The following PRKCB variants were observed in gnomAD, a reference collection of about 807,000 sequenced individuals.
PRKCB encodes protein kinase C beta.
A neutral mutation model predicts 81.5 loss-of-function variants in PRKCB; 13 were observed. The ratio of observed to expected loss-of-function variants is 0.16; its 90% confidence interval spans 0.10 to 0.25. The LOEUF (loss-of-function observed/expected upper bound fraction) is 0.25. Ranked by LOEUF, PRKCB falls within the 10% of genes least tolerant of loss-of-function variation. The pLI is 1.00. For synonymous variants in PRKCB, 335 were observed against 321.4 expected (o/e 1.04, Z -0.45); for missense variants, 509 against 875.7 (o/e 0.58, Z 5.29).
intron 9 of PRKCB, chr16:24,151,568 G>C (rs901356439): frequency 1.1e-4 from 33 of 296,692 alleles, no homozygotes; most frequent in Non-Finnish European, 1.7e-4. Context: ...GGTAGTGGCC[G>C]ATTTGGTCTG....
intron 2 of PRKCB, among the ~76,000 whole-genome samples, chr16:23,891,676 T>C (rs572587414): frequency 1.3e-5 from 2 of 152,154 alleles, no homozygotes; most frequent in Admixed American, 6.5e-5. Flanking sequence ...AGTGTTCAAT[T>C]AGAGAAGCTG....
intron 5 of PRKCB, among the ~76,000 whole-genome samples, chr16:24,042,825 C>A (rs1441637520): frequency 2.6e-5 from 4 of 151,554 alleles, no homozygotes; most frequent in Admixed American, 6.6e-5. Context: ...GCAGCCTCGA[C>A]CTCCCAGGCT....
intron 2 of PRKCB, among the ~76,000 whole-genome samples, chr16:23,882,909 T>C (rs918920733): frequency 2.0e-5 from 3 of 152,126 alleles, no homozygotes; most frequent in African/African-American, 7.2e-5. Flanking sequence ...TCCAATTCTT[T>C]TGGATATAGA....
chr16:24,012,110 T>C (rs1965210820), intron 3 of PRKCB, among the ~76,000 whole-genome samples: 1 of 152,178 alleles, frequency 6.6e-6, no homozygotes. Flanking sequence ...GATCAATTCT[T>C]GGGGCATCTT....
intron 2 of PRKCB, among the ~76,000 whole-genome samples, chr16:23,926,984 G>A (rs2141752038): frequency 6.6e-6 from 1 of 152,254 alleles, no homozygotes; most frequent in East Asian, 1.9e-4. Flanking sequence ...ACTGCGTATG[G>A]TGGTGGTGGT....
At chr16:24,051,521 C>A (rs1965841792) in intron 5 of PRKCB, among the ~76,000 whole-genome samples, 1 of 152,086 alleles carries the variant, frequency 6.6e-6, no homozygotes, top group Non-Finnish European at 1.5e-5. Flanking sequence ...AATGGGCTAG[C>A]CCTGGGACAG....
chr16:24,203,431 T>C (rs965771836), intron 16 of PRKCB, among the ~76,000 whole-genome samples: 1 of 152,116 alleles, frequency 6.6e-6, no homozygotes, highest in South Asian at 2.1e-4. Flanking sequence ...ACTTTTTAAA[T>C]AAATTCACTC....
chr16:24,018,135 G>A (rs1379700154), intron 3 of PRKCB, among the ~76,000 whole-genome samples: 7 of 151,954 alleles, frequency 4.6e-5, no homozygotes, highest in East Asian at 3.9e-4. Context: ...TCCTGACCTC[G>A]TGATCCGCCC....
chr16:24,219,353 T>C lies in PRKCB; in HGVS notation c.*4537T>C. ...TGTTGACACATGCTAAAAATGTCTTTGGAGAGAACTTCTGCCTGATAAACA... is the reference window on the plus strand; with the variant it reads ...TGTTGACACATGCTAAAAATGTCTTCGGAGAGAACTTCTGCCTGATAAACA... On this transcript the variant is annotated 3_prime_UTR_variant, in exon 17 of 17. Transcript: ENST00000643927. The C allele has an allele frequency of 1.0e-6, 1 of 985,310 alleles. No homozygotes were observed. The highest frequency in any genetic ancestry group is 1.2e-6 in the Non-Finnish European group (1 of 830,016). The allele number at this position is 985,310 out of a possible 1,614,324, so 61.0% of individuals were successfully genotyped here.
At chr16:23,860,327 G>A (rs1366702315) in intron 2 of PRKCB, among the ~76,000 whole-genome samples, 1 of 152,122 alleles carries the variant, frequency 6.6e-6, no homozygotes, top group African/African-American at 2.4e-5. Context: ...TAGCAGCAGA[G>A]AATACAAGAA....
intron 8 of PRKCB, among the ~76,000 whole-genome samples, chr16:24,113,644 T>C (rs1966705230): frequency 6.6e-6 from 1 of 151,762 alleles, no homozygotes; most frequent in African/African-American, 2.4e-5. Flanking sequence ...CTTTCTTTCA[T>C]CAGTGGGAAC....
At chr16:24,027,779 A>G (rs1191234236) in intron 3 of PRKCB, among the ~76,000 whole-genome samples, 3 of 151,938 alleles carry the variant, frequency 2.0e-5, no homozygotes, top group Middle Eastern at 3.2e-3. Context: ...ACTTTAAACA[A>G]TTTTTTTTGA....
At chr16:24,040,927 C>G (rs1448149783) in intron 5 of PRKCB, among the ~76,000 whole-genome samples, 1 of 152,080 alleles carries the variant, frequency 6.6e-6, no homozygotes, top group Non-Finnish European at 1.5e-5. Context: ...TTGTAGTATC[C>G]CAGGAAACCG....
chr16:24,007,372 A>G (rs888301390), intron 3 of PRKCB, among the ~76,000 whole-genome samples: 7 of 152,202 alleles, frequency 4.6e-5, no homozygotes, highest in Non-Finnish European at 1.0e-4. Flanking sequence ...TTTCTGCAAA[A>G]TGGAAAGGCA....
At chr16:23,847,364 CTAT>C (rs1962389896) in intron 2 of PRKCB, among the ~76,000 whole-genome samples, 47 of 8,902 alleles carry the variant, frequency 5.3e-3, no homozygotes, top group South Asian at 0.041. Flanking sequence ...ATCTATCTAT[CTAT>C]CTATCTATCT....
intron 7 of PRKCB, among the ~76,000 whole-genome samples, chr16:24,110,884 A>T (rs1182379450): frequency 6.6e-6 from 1 of 152,144 alleles, no homozygotes; most frequent in East Asian, 1.9e-4. Flanking sequence ...GTAACAAGTG[A>T]TATTGAATTT....
At chr16:24,202,325 A>G (rs1019057262) in intron 16 of PRKCB, among the ~76,000 whole-genome samples, 1 of 152,008 alleles carries the variant, frequency 6.6e-6, no homozygotes, top group African/African-American at 2.4e-5. Context: ...CTTGATGACA[A>G]TTTATTGTTT....
chr16:24,182,427 G>A (rs1203661137), intron 13 of PRKCB, among the ~76,000 whole-genome samples: 1 of 152,072 alleles, frequency 6.6e-6, no homozygotes, highest in Non-Finnish European at 1.5e-5. Flanking sequence ...AGGCTAAGGT[G>A]GGAGGATCAC....
At chr16:24,112,809 A>G (rs1966691246) in intron 7 of PRKCB, among the ~76,000 whole-genome samples, 164 bp from the exon 8 acceptor site, 2 of 147,544 alleles carry the variant, frequency 1.4e-5, no homozygotes, top group Non-Finnish European at 3.0e-5. Context: ...CATGCACACT[A>G]CCCCCACCCA....
Sources: gnomAD v4.1 joint callset for allele counts (sites outside exome capture counted in the v4.1 genomes callset) on GRCh38, gnomAD v4.1.1 for gene constraint, MANE v1.5 for transcripts, NCBI Gene and HGNC (gene_info 2026-07-23, HGNC 2026-07-21) for gene names.